The following ITGA9 variants were observed in gnomAD, a reference collection of about 807,000 sequenced individuals.
ITGA9 encodes integrin alpha-9.
ITGA9 carries 56 observed loss-of-function variants against 127.8 expected under a neutral mutation model. That is an observed-to-expected ratio of 0.44 (90% CI 0.35 to 0.55). The LOEUF (loss-of-function observed/expected upper bound fraction) is 0.55, where lower values mean the gene tolerates loss of function less well. ITGA9 is among the 20% of genes least tolerant of loss of function. The probability of loss-of-function intolerance (pLI) is 0.00; values close to 1 mark genes in which losing one functional copy is unlikely to be tolerated. For synonymous variants in ITGA9, 508 were observed against 514.5 expected (o/e 0.99, Z 0.17); for missense variants, 1,196 against 1,347.1 (o/e 0.89, Z 1.76).
intron 18 of ITGA9, among the ~76,000 whole-genome samples, chr3:37,729,876 A>G (rs1022064277): frequency 5.3e-5 from 8 of 151,658 alleles, no homozygotes; most frequent in East Asian, 1.9e-4. Context: ...GCTAATTTTT[A>G]TATTTGTAGT....
intron 13 of ITGA9, among the ~76,000 whole-genome samples, chr3:37,531,566 T>C (rs1699152386): frequency 6.6e-6 from 1 of 152,134 alleles, no homozygotes; most frequent in South Asian, 2.1e-4. Flanking sequence ...GCCTCCTCCC[T>C]GACGAGGTGG....
Position 37,799,753 on chromosome 3 carries a change from G to A in ITGA9, c.2890-4070G>A, listed in dbSNP as rs1387042780. On this transcript the variant is annotated intron_variant, in intron 26 of 27. Transcript: ENST00000264741. This position sits in a 1 kb window ranked among gnomAD's most constrained non-coding sequence, Gnocchi z 4.0. ...TAGTGCTGGTGAGAGAAGACGAGAT[G>A]TGAGCCAGGAGGTACCTGGGATGGA... Among the ~76,000 whole-genome samples the A allele has an allele frequency of 1.3e-5, 2 of 152,152 alleles. No homozygotes were observed. Among genetic ancestry groups the A allele is most frequent in the African/African-American group, 4.8e-5 (2 of 41,430 alleles).
At chr3:37,568,308 C>T (rs1434365961) in intron 15 of ITGA9, among the ~76,000 whole-genome samples, 1 of 152,188 alleles carries the variant, frequency 6.6e-6, no homozygotes, top group African/African-American at 2.4e-5. Context: ...CAGGGGGACC[C>T]CAGGCCTGGC....
chr3:37,775,243 G>A (rs1312881043), intron 23 of ITGA9, among the ~76,000 whole-genome samples: 1 of 152,174 alleles, frequency 6.6e-6, no homozygotes, highest in Non-Finnish European at 1.5e-5. Flanking sequence ...AGACATACCT[G>A]CAGACAACAA....
intron 5 of ITGA9, among the ~76,000 whole-genome samples, chr3:37,496,363 A>C (rs1036364207): frequency 2.6e-5 from 4 of 152,082 alleles, no homozygotes; most frequent in Admixed American, 2.6e-4. Flanking sequence ...CAATCATCCT[A>C]ACCATTGAGG....
chr3:37,596,963 C>T (rs1699876343), intron 15 of ITGA9, among the ~76,000 whole-genome samples: 1 of 152,176 alleles, frequency 6.6e-6, no homozygotes, highest in South Asian at 2.1e-4. Context: ...CTAGGTGTGG[C>T]TTCTCCTCCC....
At chr3:37,805,965 G>C (rs944496118) in intron 27 of ITGA9, 1 of 151,978 alleles carries the variant, frequency 6.6e-6, no homozygotes, top group Non-Finnish European at 1.5e-5. Context: ...GAGCCACCCC[G>C]CCCGGCCTAA....
chr3:37,497,989 A>G (rs1698748795), intron 5 of ITGA9, among the ~76,000 whole-genome samples: 1 of 152,182 alleles, frequency 6.6e-6, no homozygotes, highest in African/African-American at 2.4e-5. Flanking sequence ...CTTAAGGAAT[A>G]AAAATGATTG....
chr3:37,609,017 C>T (rs1699994313), intron 15 of ITGA9, among the ~76,000 whole-genome samples: 1 of 152,146 alleles, frequency 6.6e-6, no homozygotes, highest in African/African-American at 2.4e-5. Flanking sequence ...ATGTGTGACT[C>T]GCCCAAATTA....
intron 6 of ITGA9, 73 bp from the exon 7 acceptor site, chr3:37,505,927 C>T: frequency 9.0e-7 from 1 of 1,109,518 alleles, no homozygotes; most frequent in Non-Finnish European, 1.3e-6. Context: ...GAAACATTTT[C>T]CTCTGATGGA....
chr3:37,721,436 C>T (rs1220550682), intron 18 of ITGA9, among the ~76,000 whole-genome samples: 1 of 152,186 alleles, frequency 6.6e-6, no homozygotes. Context: ...CACTACCTAA[C>T]TTGGGAGAGG....
chr3:37,533,315 G>A lies in ITGA9; in HGVS notation c.1375G>A (p.Ala459Thr), dbSNP rs781488596. Residue 459 changes from alanine (A) to threonine (T), a missense_variant and splice_region_variant, in exon 14 of 28, where the codon GCA becomes ACA. Ala to Thr is a moderately conservative substitution (Grantham distance 58, BLOSUM62 0). Transcript: ENST00000264741. ...FMSDSVVLLR[A>T]RPVITVDVSI... is the part of the protein sequence containing the mutation. Reference sequence around the variant, plus strand: ...TCACCTTCCTCTCTTGCCCTGCAGAGCAAGGCCTGTCATTACGGTGGATGT... The same window carrying A: ...TCACCTTCCTCTCTTGCCCTGCAGAACAAGGCCTGTCATTACGGTGGATGT... 6 of 1,614,042 alleles carry A rather than the reference G, an allele frequency of 3.7e-6. No homozygotes were observed. In the African/African-American group the frequency reaches 6.7e-5, roughly 18 times the overall value.
In ITGA9 at chr3:37,538,519, C is replaced by T. The variant is rs745373422; in HGVS notation, c.1529-3906C>T. On this transcript the variant is annotated intron_variant, in intron 14 of 27. Coordinates refer to ENST00000264741, the MANE Select transcript of ITGA9 (RefSeq NM_002207.3). ...AGGCCCTAATCAGAACTAGCAGCCTCCCAGGGACAGACAGGGGCTGGCCAG... is the reference window on the plus strand; with the variant it reads ...AGGCCCTAATCAGAACTAGCAGCCTTCCAGGGACAGACAGGGGCTGGCCAG... Among the ~76,000 whole-genome samples, 78 of 152,268 alleles carry T rather than the reference C, an allele frequency of 5.1e-4. No homozygotes were observed. The Middle Eastern group carries it at 0.01, about 20-fold the overall frequency.
At chr3:37,748,809 A>C (rs1575219819) in intron 22 of ITGA9, 3 of 842,668 alleles carry the variant, frequency 3.6e-6, no homozygotes, top group Non-Finnish European at 4.1e-6. Context: ...CAACTGAAGC[A>C]CCAGCCTGCA....
At chr3:37,804,996 G>C (rs1349400768) in intron 27 of ITGA9, among the ~76,000 whole-genome samples, 5 of 151,820 alleles carry the variant, frequency 3.3e-5, no homozygotes, top group African/African-American at 1.2e-4. Flanking sequence ...TAGTGTATTA[G>C]TTAAATTTTA....
intron 23 of ITGA9, among the ~76,000 whole-genome samples, chr3:37,762,342 G>A (rs907073037): frequency 2.6e-5 from 4 of 152,208 alleles, no homozygotes; most frequent in African/African-American, 4.8e-5. Context: ...CCCTGGTAAG[G>A]TACAGAAGCT....
At chr3:37,743,831 T>C in intron 21 of ITGA9, 95 bp from the exon 22 acceptor site, 4 of 890,370 alleles carry the variant, frequency 4.5e-6, no homozygotes, top group South Asian at 2.7e-5. Context: ...AGACACTGGA[T>C]TAAATTGAGA....
intron 1 of ITGA9, among the ~76,000 whole-genome samples, chr3:37,470,353 G>A (rs1028614277): frequency 6.6e-6 from 1 of 152,092 alleles, no homozygotes; most frequent in Non-Finnish European, 1.5e-5. Flanking sequence ...GAAGGTTCTA[G>A]TTACTCTATA....
At chr3:37,813,622 T>C (rs557499631) in intron 27 of ITGA9, among the ~76,000 whole-genome samples, 1 of 152,364 alleles carries the variant, frequency 6.6e-6, no homozygotes, top group Admixed American at 6.5e-5. Flanking sequence ...CATGCTTTTT[T>C]CTGGTTCTTG....
Sources: gnomAD v4.1 joint callset for allele counts (sites outside exome capture counted in the v4.1 genomes callset) on GRCh38, gnomAD v4.1.1 for gene constraint, Gnocchi (gnomAD v3.1) non-coding constraint, MANE v1.5 for transcripts, NCBI Gene and HGNC (gene_info 2026-07-23, HGNC 2026-07-21) for gene names.